The following CTNNA3 variants were observed in gnomAD, a reference collection of about 807,000 sequenced individuals.
The protein encoded by CTNNA3 is catenin alpha-3.
In CTNNA3, 76 loss-of-function variants were observed where a neutral mutation model predicts 95.7. The ratio of observed to expected loss-of-function variants is 0.79; its 90% CI spans 0.66 to 0.96. The LOEUF (loss-of-function observed/expected upper bound fraction) is 0.96, where lower values mean the gene tolerates loss of function less well. CTNNA3 is among the 40% of genes least tolerant of loss of function. CTNNA3 has a pLI of 0.00. For synonymous variants in CTNNA3, 431 were observed against 374.4 expected (o/e 1.15, Z -1.74); for missense variants, 1,191 against 1,089.8 (o/e 1.09, Z -1.31).
chr10:66,644,505 T>G, intron 9 of CTNNA3, among the ~76,000 whole-genome samples: 1 of 149,284 alleles, frequency 6.7e-6, no homozygotes, highest in Admixed American at 6.7e-5. Flanking sequence ...ATACACAATA[T>G]ATTAGACACT....
At chr10:67,055,915 C>T (rs1204158158) in intron 7 of CTNNA3, among the ~76,000 whole-genome samples, 1 of 152,028 alleles carries the variant, frequency 6.6e-6, no homozygotes, top group African/African-American at 2.4e-5. Context: ...GAATTCTGGT[C>T]AAGGAGGAAT....
chr10:66,275,363 C>A (rs77075092), intron 13 of CTNNA3, among the ~76,000 whole-genome samples: 40,763 of 151,972 alleles, frequency 0.27, 6,079 homozygotes, highest in African/African-American at 0.4. Context: ...GGCAATCCGC[C>A]CACCTTGGCC....
chr10:67,040,512 G>C (rs148877759), intron 7 of CTNNA3, among the ~76,000 whole-genome samples: 2 of 152,068 alleles, frequency 1.3e-5, no homozygotes, highest in East Asian at 3.9e-4. Context: ...CTACCCCATG[G>C]TGACATTTAC....
At chr10:66,663,991 T>C (rs994955286) in intron 9 of CTNNA3, among the ~76,000 whole-genome samples, 1 of 152,102 alleles carries the variant, frequency 6.6e-6, no homozygotes, top group African/African-American at 2.4e-5. Flanking sequence ...TTGCCAGTTA[T>C]TCTTTTGTTT....
chr10:66,112,341 T>C (rs2082152304), intron 13 of CTNNA3, among the ~76,000 whole-genome samples: 1 of 152,182 alleles, frequency 6.6e-6, no homozygotes, highest in Non-Finnish European at 1.5e-5. Context: ...TGTATGTCTC[T>C]ATTTGTCAAA....
intron 13 of CTNNA3, among the ~76,000 whole-genome samples, chr10:66,244,933 C>A (rs10997008): frequency 6.6e-6 from 1 of 151,962 alleles, no homozygotes; most frequent in African/African-American, 2.4e-5. Context: ...GATATGTGAC[C>A]TTTTGTTACG....
rs376841762 is a variant in CTNNA3 at position 66,352,215 on chromosome 10, G to A, written c.1732+26937C>T. On this transcript the variant is annotated intron_variant, in intron 12 of 17. Coordinates refer to ENST00000433211, the MANE Select transcript of CTNNA3 (RefSeq NM_013266.4). The stretch of plus-strand genomic sequence containing the variant: ...GTAGGTAACAAGGCCCCAGCAGTCA[G>A]ACTGAAGACTCAAACATACATGGGC... Among the ~76,000 whole-genome samples the A allele has an allele frequency of 3.9e-4, 59 of 152,206 alleles. 1 individual carries two copies. In the South Asian group the frequency reaches 0.012, roughly 31 times the overall value.
chr10:66,807,693 T>A (rs1841709344), intron 7 of CTNNA3, among the ~76,000 whole-genome samples: 1 of 152,152 alleles, frequency 6.6e-6, no homozygotes, highest in Admixed American at 6.6e-5. Context: ...ATGAGTGAGA[T>A]CTCTGGGTCT....
At position 67,335,226 on chromosome 10, in the gene CTNNA3, G is replaced by A. The variant is rs1308902297; in HGVS notation, c.580-115356C>T. On this transcript the variant is annotated intron_variant, in intron 5 of 17. Transcript: ENST00000433211. The stretch of plus-strand genomic sequence containing the variant: ...ACAATGTCCAAGTTGGAGTGAGTGT[G>A]GGAGTGTGTGTATGAGTGAGGCTGC... 1.3e-5 allele frequency among the ~76,000 whole-genome samples: 2 copies of A among 152,246 alleles called. 1 individual carries two copies. The highest frequency in any genetic ancestry group is 4.2e-4 in the South Asian group (2 of 4,810).
chr10:66,382,142 G>A (rs527820616), intron 11 of CTNNA3, among the ~76,000 whole-genome samples: 1 of 152,244 alleles, frequency 6.6e-6, no homozygotes, highest in South Asian at 2.1e-4. Flanking sequence ...CCTCACCCGG[G>A]AAGCACAAGG....
At chr10:67,184,353 C>G in intron 6 of CTNNA3, among the ~76,000 whole-genome samples, 1 of 152,142 alleles carries the variant, frequency 6.6e-6, no homozygotes, top group Middle Eastern at 3.2e-3. Context: ...AAGCCATGTT[C>G]CATCTCCTTT....
intron 14 of CTNNA3, among the ~76,000 whole-genome samples, chr10:66,100,001 T>C (rs1407138641): frequency 1.3e-5 from 2 of 152,194 alleles, no homozygotes; most frequent in Admixed American, 1.3e-4. Context: ...GCAAATTTAA[T>C]GTAAAAATTA....
chr10:67,092,523 A>T (rs1295714428), intron 7 of CTNNA3, among the ~76,000 whole-genome samples: 5 of 152,008 alleles, frequency 3.3e-5, no homozygotes. Context: ...TGAGAAATTC[A>T]TATGAATGTT....
intron 5 of CTNNA3, among the ~76,000 whole-genome samples, chr10:67,462,393 C>A (rs1589315357): frequency 6.6e-6 from 1 of 152,268 alleles, no homozygotes; most frequent in South Asian, 2.1e-4. Flanking sequence ...TAAAAACACT[C>A]ACAGTTATCT....
At chr10:67,538,761 A>C (rs1402803107) in intron 4 of CTNNA3, among the ~76,000 whole-genome samples, 1 of 152,172 alleles carries the variant, frequency 6.6e-6, no homozygotes, top group African/African-American at 2.4e-5. Context: ...TTATTTATAG[A>C]CAGAGTATAA....
intron 5 of CTNNA3, among the ~76,000 whole-genome samples, chr10:67,314,556 T>C (rs1295033321): frequency 6.6e-6 from 1 of 152,166 alleles, no homozygotes; most frequent in Non-Finnish European, 1.5e-5. Flanking sequence ...ATATAAATAA[T>C]ATTCCCCAAC....
intron 3 of CTNNA3, among the ~76,000 whole-genome samples, chr10:67,587,267 C>T (rs1842663509): frequency 6.9e-6 from 1 of 145,292 alleles, no homozygotes; most frequent in African/African-American, 2.5e-5. Context: ...ACTATGTTGC[C>T]CAGGCTGGTC....
chr10:67,620,950 T>TATATATATATATATATAC (rs1491566283), intron 2 of CTNNA3, among the ~76,000 whole-genome samples: 4 of 144,294 alleles, frequency 2.8e-5, no homozygotes, highest in African/African-American at 1.0e-4. Context: ...TATATATATA[T>TATATATATATATATATAC]ACAGAAATGT....
intron 9 of CTNNA3, among the ~76,000 whole-genome samples, chr10:66,758,663 G>A (rs1839474373): frequency 6.6e-6 from 1 of 152,160 alleles, no homozygotes; most frequent in Non-Finnish European, 1.5e-5. Context: ...GGCCGGGCAT[G>A]GTGGCTCACG....
Sources: gnomAD v4.1 joint callset for allele counts (sites outside exome capture counted in the v4.1 genomes callset) on GRCh38, gnomAD v4.1.1 for gene constraint, MANE v1.5 for transcripts, NCBI Gene and HGNC (gene_info 2026-07-23, HGNC 2026-07-21) for gene names.